GSPT1: variants seen among roughly 807,000 people sequenced by gnomAD.
GSPT1 encodes the protein G1 to S phase transition 1.
A neutral mutation model predicts 72.5 loss-of-function variants in GSPT1; 20 were observed. The observed-to-expected ratio is 0.28, with a 90% CI of 0.19 to 0.40. The LOEUF is 0.40. Ranked by LOEUF, GSPT1 falls within the 10% of genes least tolerant of loss-of-function variation. The probability of loss-of-function intolerance (pLI) is 1.00; values close to 1 mark genes in which losing one functional copy is unlikely to be tolerated. For missense variants in GSPT1, 580 were observed against 811.9 expected (o/e 0.71, Z 3.47); for synonymous variants, 334 against 293.5 (o/e 1.14, Z -1.41).
At chr16:11,897,759 G>T in intron 3 of GSPT1, 81 bp downstream of exon 3, 2 of 744,820 alleles carry the variant, frequency 2.7e-6, no homozygotes, top group South Asian at 1.5e-5. Flanking sequence ...TACAATAATC[G>T]TAACTTACAT....
At chr16:11,912,420 A>G (rs541312533) in intron 1 of GSPT1, among the ~76,000 whole-genome samples, 1 of 152,278 alleles carries the variant, frequency 6.6e-6, no homozygotes, top group South Asian at 2.1e-4. Flanking sequence ...GGAACACTAC[A>G]AAACAGAATG....
At chr16:11,903,096 C>T (rs145271004) in intron 1 of GSPT1, among the ~76,000 whole-genome samples, 1 of 152,254 alleles carries the variant, frequency 6.6e-6, no homozygotes, top group African/African-American at 2.4e-5. Flanking sequence ...TAGCTTCTGG[C>T]AGCCAACAGT....
chr16:11,913,371 A>C (rs1259341970), intron 1 of GSPT1, among the ~76,000 whole-genome samples: 1 of 152,246 alleles, frequency 6.6e-6, no homozygotes, highest in African/African-American at 2.4e-5. Flanking sequence ...TTTGATTAAA[A>C]ACAAGAAAGT....
At chr16:11,912,347 CAAAAA>C (rs57472965) in intron 1 of GSPT1, among the ~76,000 whole-genome samples, 2 of 110,768 alleles carry the variant, frequency 1.8e-5, no homozygotes, top group Non-Finnish European at 3.8e-5. Flanking sequence ...GACTCCGTCT[CAAAAA>C]AAAAAAAAAA....
rs1309253518 is a variant in GSPT1 at position 11,869,136 on chromosome 16, A to T, written c.*3983T>A. On this transcript the variant is annotated 3_prime_UTR_variant, in exon 15 of 15. Transcript: ENST00000434724. Reference sequence around the variant, plus strand: ...CCAAATCTACCTGAACTGAACTGATAGTAAACTGGGTCAAATGGAATCCAC... The same window carrying T: ...CCAAATCTACCTGAACTGAACTGATTGTAAACTGGGTCAAATGGAATCCAC... 1.3e-5 allele frequency: 2 copies of T among 152,362 alleles called. No individual in the cohort carries two copies. Among genetic ancestry groups the T allele is most frequent in the East Asian group, 1.9e-4 (1 of 5,190 alleles). 9.4% of individuals were successfully genotyped at this position (152,362 alleles called of 1,614,324 possible). A position where few individuals can be genotyped will look rare whatever the true frequency, so the allele number is the denominator to read the frequency against.
intron 5 of GSPT1, among the ~76,000 whole-genome samples, chr16:11,894,199 A>C (rs541503796): frequency 1.4e-5 from 2 of 146,816 alleles, no homozygotes; most frequent in African/African-American, 2.5e-5. Flanking sequence ...AAAAAAATTT[A>C]ACTAGGCAAG....
intron 14 of GSPT1, among the ~76,000 whole-genome samples, chr16:11,874,454 CTTTTTTTTTTTTTTTT>C (rs200991035): frequency 1.5e-3 from 145 of 95,922 alleles, no homozygotes; most frequent in African/African-American, 3.7e-3. Flanking sequence ...GCCAAGTTAG[CTTTTTTTTTTTTTTTT>C]TTTTTTTTTT....
At chr16:11,878,091 G>C (rs1249410523) in intron 11 of GSPT1, among the ~76,000 whole-genome samples, 1 of 152,172 alleles carries the variant, frequency 6.6e-6, no homozygotes, top group South Asian at 2.1e-4. Context: ...TCTGGAATTA[G>C]ATAGTGATGA....
chr16:11,882,761 T>C (rs1340141996), intron 11 of GSPT1, among the ~76,000 whole-genome samples: 1 of 151,720 alleles, frequency 6.6e-6, no homozygotes, highest in African/African-American at 2.4e-5. Context: ...TAGAGACTAG[T>C]CTGGTCAACA....
At chr16:11,878,021 C>A (rs528351643) in intron 11 of GSPT1, among the ~76,000 whole-genome samples, 1 of 152,270 alleles carries the variant, frequency 6.6e-6, no homozygotes. Context: ...TTGAACTAAG[C>A]TTTAAAAGTC....
At chr16:11,902,275 G>A (rs191622516) in intron 1 of GSPT1, among the ~76,000 whole-genome samples, 20 of 150,954 alleles carry the variant, frequency 1.3e-4, no homozygotes, top group African/African-American at 4.6e-4. Context: ...CCAGCTACTC[G>A]GGAGGCCAAG....
upstream of GSPT1, chr16:11,916,049 T>G: frequency 1.6e-6 from 1 of 610,308 alleles, no homozygotes; most frequent in Non-Finnish European, 3.1e-6. Context: ...TACCTTCGCC[T>G]CGGTAGTTCT....
At chr16:11,907,191 A>G (rs2054500478) in intron 1 of GSPT1, among the ~76,000 whole-genome samples, 1 of 152,228 alleles carries the variant, frequency 6.6e-6, no homozygotes, top group South Asian at 2.1e-4. Context: ...CTGAGACAGA[A>G]CACAGAGAAA....
At chr16:11,887,004 T>C in intron 7 of GSPT1, 73 bp from the exon 8 acceptor site, 1 of 1,179,992 alleles carries the variant, frequency 8.5e-7, no homozygotes, top group Non-Finnish European at 1.2e-6. Context: ...ACATCTTTCC[T>C]TTCAGTTATA....
chr16:11,902,764 T>C (rs2054430754), intron 1 of GSPT1, among the ~76,000 whole-genome samples: 1 of 152,002 alleles, frequency 6.6e-6, no homozygotes, highest in Non-Finnish European at 1.5e-5. Flanking sequence ...TTTTTGTAGT[T>C]TTAGTAGAGA....
intron 10 of GSPT1, among the ~76,000 whole-genome samples, chr16:11,883,945 G>A (rs2054156359): frequency 6.6e-6 from 1 of 150,492 alleles, no homozygotes; most frequent in Admixed American, 6.6e-5. Flanking sequence ...AAACAACACA[G>A]AAGTTTATGT....
In GSPT1 at chr16:11,883,004, C is replaced by T. The variant is rs753653853; in HGVS notation, c.1428+11G>A. ...AATAAATAGATAGGAAACAGCATAA[C>T]CGATTCTTACCTTGTTTGGCATCAT... On this transcript the variant is annotated intron_variant, in intron 11 of 14. Transcript: ENST00000434724. 7.1e-6 allele frequency: 11 copies of T among 1,539,452 alleles called. No individual in the cohort carries two copies. In the Admixed American group the frequency reaches 1.0e-4, roughly 14 times the overall value.
chr16:11,906,069 C>CTT (rs1315928117), intron 1 of GSPT1, among the ~76,000 whole-genome samples: 1 of 152,034 alleles, frequency 6.6e-6, no homozygotes, highest in African/African-American at 2.4e-5. Context: ...AGTCACATCA[C>CTT]TTCATTTTTT....
intron 1 of GSPT1, among the ~76,000 whole-genome samples, chr16:11,905,680 T>C (rs1242292042): frequency 1.3e-5 from 2 of 151,836 alleles, no homozygotes; most frequent in Non-Finnish European, 2.9e-5. Flanking sequence ...ACTAAAAAAT[T>C]AAAAATTAGC....
Sources: allele counts gnomAD v4.1 joint callset (sites outside exome capture counted in the v4.1 genomes callset), GRCh38; gene constraint gnomAD v4.1.1; transcripts MANE v1.5; gene names NCBI Gene and HGNC (gene_info 2026-07-23, HGNC 2026-07-21).